NCKAP5: variants seen among roughly 807,000 people sequenced by gnomAD.
NCKAP5 encodes NCK associated protein 5.
Under a neutral mutation model 167.0 loss-of-function variants are expected in NCKAP5, and 92 were observed. The ratio of observed to expected loss-of-function variants is 0.55; its 90% confidence interval spans 0.47 to 0.66. The LOEUF is 0.66. NCKAP5 is among the 30% of genes least tolerant of loss of function. The pLI is 0.00. For synonymous variants in NCKAP5, 891 were observed against 877.4 expected (o/e 1.02, Z -0.27); for missense variants, 2,378 against 2,315.0 (o/e 1.03, Z -0.56).
At chr2:133,226,607 A>G (rs1292140374) in intron 4 of NCKAP5, among the ~76,000 whole-genome samples, 1 of 128,170 alleles carries the variant, frequency 7.8e-6, no homozygotes, top group Non-Finnish European at 1.7e-5. Context: ...GAAGATAAAC[A>G]CACACACACA....
chr2:133,350,191 C>T (rs1282174930), intron 3 of NCKAP5, among the ~76,000 whole-genome samples: 1 of 152,110 alleles, frequency 6.6e-6, no homozygotes, highest in Non-Finnish European at 1.5e-5. Flanking sequence ...GTGAGAGGAT[C>T]ACCTGAGCCC....
intron 19 of NCKAP5, among the ~76,000 whole-genome samples, chr2:132,703,114 G>A (rs1344122463): frequency 6.6e-6 from 1 of 152,068 alleles, no homozygotes; most frequent in East Asian, 1.9e-4. Flanking sequence ...CCAGGAATTT[G>A]AGATTACAGT....
chr2:133,601,094 T>C, the NCKAP5 span, among the ~76,000 whole-genome samples: 11 of 152,156 alleles, frequency 7.2e-5, no homozygotes, highest in Non-Finnish European at 1.3e-4. Context: ...AAGGTGACGC[T>C]TACCACTTCT....
At chr2:133,662,340 CA>C in the NCKAP5 span, among the ~76,000 whole-genome samples, 1 of 151,862 alleles carries the variant, frequency 6.6e-6, no homozygotes, top group Admixed American at 6.5e-5. Context: ...ATCAAGTGTA[CA>C]AAAGTGTTTT....
At chr2:133,649,976 A>T in the NCKAP5 span, among the ~76,000 whole-genome samples, 2 of 152,190 alleles carry the variant, frequency 1.3e-5, no homozygotes, top group African/African-American at 2.4e-5. Flanking sequence ...ACCAAAAAAA[A>T]TAAATAAATA....
At chr2:133,297,369 C>CT (rs1680042494) in intron 4 of NCKAP5, among the ~76,000 whole-genome samples, 1 of 152,088 alleles carries the variant, frequency 6.6e-6, no homozygotes, top group African/African-American at 2.4e-5. Context: ...GACAATTGAG[C>CT]TTTTAAAGGA....
At chr2:133,374,283 T>C (rs1685993672) in intron 3 of NCKAP5, among the ~76,000 whole-genome samples, 3 of 152,206 alleles carry the variant, frequency 2.0e-5, no homozygotes, top group Non-Finnish European at 2.9e-5. Context: ...TCTGACTTTA[T>C]GACACTCTAG....
the NCKAP5 span, among the ~76,000 whole-genome samples, chr2:133,574,603 CTTTT>C: frequency 7.1e-5 from 9 of 127,212 alleles, no homozygotes; most frequent in East Asian, 2.3e-4. Flanking sequence ...TTCTTCTTTC[CTTTT>C]TTTTTTTTTT....
chr2:132,920,473 A>G (rs1387215433), intron 8 of NCKAP5, among the ~76,000 whole-genome samples: 2 of 151,096 alleles, frequency 1.3e-5, no homozygotes, highest in Admixed American at 6.6e-5. Flanking sequence ...CCTTTTGTTG[A>G]TGGACTCTAC....
chr2:133,097,951 G>A (rs933651945), intron 6 of NCKAP5, among the ~76,000 whole-genome samples: 25 of 152,178 alleles, frequency 1.6e-4, no homozygotes, highest in African/African-American at 6.0e-4. Flanking sequence ...TTGACCCAGT[G>A]AAAAAGCTCC....
intron 11 of NCKAP5, among the ~76,000 whole-genome samples, chr2:132,810,711 G>A (rs530069444): frequency 5.3e-5 from 8 of 152,068 alleles, no homozygotes; most frequent in East Asian, 3.9e-4. Context: ...AGTGGACTTC[G>A]CCTTCTCTGA....
rs35760716 is a variant in NCKAP5, at chr2:133,308,689, C to CTTTTTTTTTTTTTTT, written c.70-5594_70-5580dup. On this transcript the variant is annotated intron_variant, in intron 3 of 19. Coordinates refer to ENST00000409261, the MANE Select transcript of NCKAP5 (RefSeq NM_207363.3). Reference sequence around the variant, plus strand: ...TTTTTTCGTTTGAAGAAATACAATTCTTTTTTTTTTTTTTTTTTTTTTTTT... The same window carrying CTTTTTTTTTTTTTTT: ...TTTTTTCGTTTGAAGAAATACAATTCTTTTTTTTTTTTTTTTTTTTTTTTTTTTTTTTTTTTTTTT... 3.4e-5 allele frequency among the ~76,000 whole-genome samples: 2 copies of CTTTTTTTTTTTTTTT among 59,252 alleles called. 1 individual carries two copies. The highest frequency in any genetic ancestry group is 1.3e-4 in the African/African-American group (2 of 15,760). 38.9% of individuals were successfully genotyped at this position (59,252 alleles called of 152,430 possible).
At chr2:133,047,293 G>A (rs1307351739) in intron 6 of NCKAP5, among the ~76,000 whole-genome samples, 7 of 152,186 alleles carry the variant, frequency 4.6e-5, no homozygotes, top group Non-Finnish European at 8.8e-5. Context: ...AGTCTCAGCA[G>A]CCCCCTGGGC....
chr2:132,710,183 A>G (rs948937505), intron 19 of NCKAP5, among the ~76,000 whole-genome samples: 1 of 149,800 alleles, frequency 6.7e-6, no homozygotes, highest in Non-Finnish European at 1.5e-5. Flanking sequence ...ACGTGATTCT[A>G]AAAAAACCCT....
At chr2:133,319,921 AAAG>A (rs1559380765) in intron 3 of NCKAP5, among the ~76,000 whole-genome samples, 1 of 152,200 alleles carries the variant, frequency 6.6e-6, no homozygotes, top group Non-Finnish European at 1.5e-5. Context: ...GTTAACATGA[AAAG>A]AACCCTCATT....
At chr2:132,779,305 C>CTG (rs1372923603) in intron 15 of NCKAP5, among the ~76,000 whole-genome samples, 4 of 152,050 alleles carry the variant, frequency 2.6e-5, no homozygotes, top group Non-Finnish European at 5.9e-5. Flanking sequence ...TTTGGTACTT[C>CTG]TGTACAGTGA....
chr2:132,684,428 TAA>T, intron 19 of NCKAP5, among the ~76,000 whole-genome samples: 1 of 152,254 alleles, frequency 6.6e-6, no homozygotes, highest in Non-Finnish European at 1.5e-5. Context: ...ATTATTTCCA[TAA>T]GTTATTTGGC....
At chr2:133,338,480 C>T (rs1257437129) in intron 3 of NCKAP5, among the ~76,000 whole-genome samples, 1 of 152,144 alleles carries the variant, frequency 6.6e-6, no homozygotes, top group Non-Finnish European at 1.5e-5. Flanking sequence ...AGATTAAATC[C>T]TATTGCACCA....
At chr2:133,673,760 C>A in the NCKAP5 span, among the ~76,000 whole-genome samples, 1 of 152,292 alleles carries the variant, frequency 6.6e-6, no homozygotes, top group East Asian at 1.9e-4. Context: ...GCTACTGGCA[C>A]ATTAAAGATT....
Sources: gnomAD v4.1 joint callset for allele counts (sites outside exome capture counted in the v4.1 genomes callset) on GRCh38, gnomAD v4.1.1 for gene constraint, MANE v1.5 for transcripts, NCBI Gene and HGNC (gene_info 2026-07-23, HGNC 2026-07-21) for gene names.